The following ABTB3 variants were observed in gnomAD, a reference collection of about 807,000 sequenced individuals.
The protein encoded by ABTB3 is ankyrin repeat- and BTB/POZ domain-containing protein 3.
the ABTB3 span, among the ~76,000 whole-genome samples, chr12:107,409,459 A>C: frequency 6.6e-6 from 1 of 152,254 alleles, no homozygotes; most frequent in African/African-American, 2.4e-5. Context: ...AGATACATGC[A>C]CCTGTATGTG....
chr12:107,551,572 T>C, the ABTB3 span, among the ~76,000 whole-genome samples: 1 of 152,194 alleles, frequency 6.6e-6, no homozygotes, highest in African/African-American at 2.4e-5. Flanking sequence ...ACTGTCTGTT[T>C]TTACAAATAA....
chr12:107,630,193 C>A, the ABTB3 span, among the ~76,000 whole-genome samples: 1 of 152,230 alleles, frequency 6.6e-6, no homozygotes, highest in Non-Finnish European at 1.5e-5. Flanking sequence ...TTTGGTGCCA[C>A]CACGGCGTAG....
the ABTB3 span, among the ~76,000 whole-genome samples, chr12:107,410,254 C>T: frequency 2.0e-5 from 3 of 147,524 alleles, no homozygotes; most frequent in Non-Finnish European, 4.4e-5. Context: ...AAGTCAGCTA[C>T]GCTAAGGAAC....
At chr12:107,635,850 A>ACCCCCCCCCCCCCCCCCCCCCCCCCC in the ABTB3 span, among the ~76,000 whole-genome samples, 1 of 56,616 alleles carries the variant, frequency 1.8e-5, no homozygotes, top group Admixed American at 2.4e-4. Context: ...GGGAGGAACA[A>ACCCCCCCCCCCCCCCCCCCCCCCCCC]CCCCCCCCCC....
At chr12:107,552,698 G>A in the ABTB3 span, among the ~76,000 whole-genome samples, 1 of 152,112 alleles carries the variant, frequency 6.6e-6, no homozygotes. Flanking sequence ...ATGGAGTCAC[G>A]AGCACATTTC....
At chr12:107,379,491 G>T in the ABTB3 span, among the ~76,000 whole-genome samples, 1 of 152,118 alleles carries the variant, frequency 6.6e-6, no homozygotes, top group Non-Finnish European at 1.5e-5. Flanking sequence ...ACGTGCCTTT[G>T]CTCCTCCTTT....
At chr12:107,403,150 G>A in the ABTB3 span, among the ~76,000 whole-genome samples, 4 of 152,142 alleles carry the variant, frequency 2.6e-5, no homozygotes, top group African/African-American at 9.7e-5. Context: ...TAGAGATCAC[G>A]TATATCAGTG....
At chr12:107,456,572 G>T in the ABTB3 span, among the ~76,000 whole-genome samples, 2 of 152,232 alleles carry the variant, frequency 1.3e-5, no homozygotes, top group East Asian at 1.9e-4. Flanking sequence ...GATTCTACAC[G>T]ATGATGAGTT....
At chr12:107,595,572 G>A in the ABTB3 span, among the ~76,000 whole-genome samples, 1 of 152,334 alleles carries the variant, frequency 6.6e-6, no homozygotes, top group African/African-American at 2.4e-5. Flanking sequence ...CTAATAGTTT[G>A]TTGACCAGAC....
the ABTB3 span, among the ~76,000 whole-genome samples, chr12:107,430,891 C>A: frequency 9.8e-5 from 15 of 152,338 alleles, no homozygotes; most frequent in African/African-American, 3.6e-4. Context: ...ATATTAACCA[C>A]TTTTTATTAT....
At chr12:107,490,963 C>A in the ABTB3 span, among the ~76,000 whole-genome samples, 1,376 of 152,212 alleles carry the variant, frequency 9.0e-3, 27 homozygotes, top group African/African-American at 0.031. Context: ...TTAGCTAGGA[C>A]CAAAGGGCTT....
At chr12:107,526,374 G>A in the ABTB3 span, among the ~76,000 whole-genome samples, 1 of 152,092 alleles carries the variant, frequency 6.6e-6, no homozygotes, top group Non-Finnish European at 1.5e-5. Flanking sequence ...TTCGGTGGGC[G>A]GTCCAGTTCG....
the ABTB3 span, among the ~76,000 whole-genome samples, chr12:107,457,639 C>T: frequency 1.3e-5 from 2 of 152,188 alleles, no homozygotes; most frequent in African/African-American, 4.8e-5. Flanking sequence ...GGACAGAGTC[C>T]TTCTGGGCAG....
chr12:107,418,322 T>C, the ABTB3 span, among the ~76,000 whole-genome samples: 2 of 152,214 alleles, frequency 1.3e-5, no homozygotes, highest in African/African-American at 4.8e-5. Flanking sequence ...TCGGACTGGC[T>C]TCCTTGCTCC....
At chr12:107,500,586 C>A in the ABTB3 span, among the ~76,000 whole-genome samples, 3 of 152,212 alleles carry the variant, frequency 2.0e-5, no homozygotes, top group South Asian at 4.1e-4. Context: ...GGTTACCCCC[C>A]ACTCTCAACC....
chr12:107,529,546 G>A, the ABTB3 span, among the ~76,000 whole-genome samples: 3 of 152,204 alleles, frequency 2.0e-5, no homozygotes, highest in East Asian at 5.8e-4. Flanking sequence ...CAATATACCA[G>A]ACTCTGTTCC....
chr12:107,468,070 T>C, the ABTB3 span, among the ~76,000 whole-genome samples: 3 of 152,148 alleles, frequency 2.0e-5, no homozygotes, highest in African/African-American at 7.2e-5. Flanking sequence ...ATCCATGGTT[T>C]TCACAACCGA....
chr12:107,593,024 A>G, the ABTB3 span, among the ~76,000 whole-genome samples: 2 of 152,264 alleles, frequency 1.3e-5, no homozygotes, highest in African/African-American at 4.8e-5. Context: ...AAGTGATTCA[A>G]TAAATCTGAG....
chr12:107,477,266 A>G, the ABTB3 span, among the ~76,000 whole-genome samples: 1 of 152,206 alleles, frequency 6.6e-6, no homozygotes, highest in East Asian at 1.9e-4. Flanking sequence ...TCCATGATAC[A>G]GAGTTCAATG....
Sources: allele counts gnomAD v4.1 joint callset (sites outside exome capture counted in the v4.1 genomes callset), GRCh38; gene constraint gnomAD v4.1.1; transcripts MANE v1.5; gene names NCBI Gene and HGNC (gene_info 2026-07-23, HGNC 2026-07-21).